DTNA: variants seen among roughly 807,000 people sequenced by gnomAD.
The protein encoded by DTNA is dystrophin-related protein 3.
In DTNA, 43 loss-of-function variants were observed where a neutral mutation model predicts 100.7. The observed-to-expected ratio is 0.43, with a 90% confidence interval of 0.33 to 0.55. DTNA has a LOEUF of 0.55. DTNA is among the 20% of genes least tolerant of loss of function. The pLI, the probability that DTNA is intolerant of heterozygous loss-of-function variation, is 0.04. For synonymous variants in DTNA, 349 were observed against 347.9 expected (o/e 1.00, Z -0.04); for missense variants, 798 against 953.9 (o/e 0.84, Z 2.15).
chr18:34,597,366 G>A (rs1457080452), intron 1 of DTNA, among the ~76,000 whole-genome samples: 1 of 152,002 alleles, frequency 6.6e-6, no homozygotes, highest in Non-Finnish European at 1.5e-5. Flanking sequence ...TAAATCCCGT[G>A]CTTTCCATTC....
At chr18:34,824,747 C>G (rs1313127407) in intron 9 of DTNA, among the ~76,000 whole-genome samples, 1 of 151,436 alleles carries the variant, frequency 6.6e-6, no homozygotes, top group Admixed American at 6.6e-5. Flanking sequence ...CTTTTTTCTT[C>G]TTTTTTTATT....
intron 1 of DTNA, among the ~76,000 whole-genome samples, chr18:34,567,365 G>A (rs1001744613): frequency 4.3e-4 from 65 of 152,192 alleles, no homozygotes; most frequent in African/African-American, 1.5e-3. Flanking sequence ...AAAATTAGGT[G>A]AAATAAATGA....
At chr18:34,622,827 G>A (rs942347345) in intron 1 of DTNA, among the ~76,000 whole-genome samples, 2 of 152,128 alleles carry the variant, frequency 1.3e-5, no homozygotes, top group Admixed American at 6.5e-5. Context: ...TGAGGCCCTC[G>A]GATTGGGCTG....
chr18:34,758,047 G>C (rs986523016), intron 2 of DTNA, among the ~76,000 whole-genome samples: 5 of 152,164 alleles, frequency 3.3e-5, no homozygotes, highest in African/African-American at 4.8e-5. Context: ...GTTTCAAAGG[G>C]AGCAATTGAT....
chr18:34,880,466 T>C (rs1482407529), intron 20 of DTNA, among the ~76,000 whole-genome samples: 2 of 152,174 alleles, frequency 1.3e-5, no homozygotes, highest in East Asian at 3.9e-4. Context: ...GCCCATTAAA[T>C]GACCATGGTT....
intron 1 of DTNA, among the ~76,000 whole-genome samples, chr18:34,541,479 A>C (rs2044240037): frequency 6.6e-6 from 1 of 151,864 alleles, no homozygotes; most frequent in Admixed American, 6.6e-5. Flanking sequence ...AAGTCTCATG[A>C]GGTGTGATGG....
intron 1 of DTNA, among the ~76,000 whole-genome samples, chr18:34,682,085 G>A (rs947526016): frequency 6.6e-6 from 1 of 152,046 alleles, no homozygotes; most frequent in Non-Finnish European, 1.5e-5. Flanking sequence ...CTTTCACTCA[G>A]TAATATGCAT....
chr18:34,780,608 C>A (rs376561482), intron 3 of DTNA, among the ~76,000 whole-genome samples: 9 of 152,224 alleles, frequency 5.9e-5, no homozygotes, highest in African/African-American at 2.2e-4. Flanking sequence ...ATTTATGTAA[C>A]TAAACAAGAA....
At chr18:34,510,354 T>G (rs929528383) in intron 1 of DTNA, among the ~76,000 whole-genome samples, 1 of 151,966 alleles carries the variant, frequency 6.6e-6, no homozygotes, top group Non-Finnish European at 1.5e-5. Context: ...AGCATCTAGT[T>G]GGATGGTCAT....
intron 1 of DTNA, among the ~76,000 whole-genome samples, chr18:34,540,806 T>C (rs982923801): frequency 2.0e-5 from 3 of 152,108 alleles, no homozygotes; most frequent in African/African-American, 7.2e-5. Flanking sequence ...AAACTGCTTC[T>C]CTAAACCAGA....
At chr18:34,821,038 A>T in intron 9 of DTNA, 123 bp downstream of exon 9, 1 of 1,429,710 alleles carries the variant, frequency 7.0e-7, no homozygotes, top group Non-Finnish European at 9.6e-7. Flanking sequence ...TTTAAAAAAA[A>T]AAGTCAGAGT....
chr18:34,813,710 G>A (rs547146345), intron 6 of DTNA, among the ~76,000 whole-genome samples: 85 of 151,776 alleles, frequency 5.6e-4, no homozygotes, highest in African/African-American at 1.9e-3. Context: ...AAAATTAGCC[G>A]GGCATGGTGG....
intron 1 of DTNA, among the ~76,000 whole-genome samples, chr18:34,515,905 AT>A (rs1226837754): frequency 6.6e-6 from 1 of 152,144 alleles, no homozygotes; most frequent in Non-Finnish European, 1.5e-5. Flanking sequence ...CAGAGGTATC[AT>A]TTAGCCCCAC....
At position 34,526,237 on chromosome 18, in the gene DTNA, G is replaced by A. The variant is rs924382927; in HGVS notation, c.-2+32723G>A. 1.1e-4 allele frequency among the ~76,000 whole-genome samples: 16 copies of A among 152,134 alleles called. No homozygotes were observed. In the South Asian group the frequency reaches 1.2e-3, roughly 12 times the overall value. On this transcript the variant is annotated intron_variant, in intron 1 of 19. Transcript: ENST00000283365. ...GAAGTGGGAGACTTAAAGAGGAATC[G>A]TTGTGATTTAATGACCTTTGTCTTC...
At chr18:34,496,516 A>G (rs2144416436) in intron 1 of DTNA, among the ~76,000 whole-genome samples, 1 of 152,172 alleles carries the variant, frequency 6.6e-6, no homozygotes, top group East Asian at 1.9e-4. Context: ...TTTTGACATG[A>G]CCTTTTCCTT....
At chr18:34,795,334 T>C (rs539889153) in intron 4 of DTNA, among the ~76,000 whole-genome samples, 1 of 152,218 alleles carries the variant, frequency 6.6e-6, no homozygotes, top group Non-Finnish European at 1.5e-5. Flanking sequence ...GTTTTTCCAG[T>C]GTGCATTATT....
chr18:34,791,046 G>C (rs897400975), intron 3 of DTNA, among the ~76,000 whole-genome samples: 3 of 152,102 alleles, frequency 2.0e-5, no homozygotes, highest in South Asian at 2.1e-4. Flanking sequence ...CTCACCCTGA[G>C]GCTGAAGTAC....
At chr18:34,849,666 T>A (rs1211898932) in intron 14 of DTNA, among the ~76,000 whole-genome samples, 2 of 152,254 alleles carry the variant, frequency 1.3e-5, no homozygotes, top group African/African-American at 4.8e-5. Context: ...TGTTTTCAAT[T>A]CTTTATTAGA....
intron 15 of DTNA, among the ~76,000 whole-genome samples, chr18:34,852,995 C>G (rs2096500773): frequency 6.6e-6 from 1 of 152,122 alleles, no homozygotes; most frequent in Non-Finnish European, 1.5e-5. Flanking sequence ...TCTTTGAGAA[C>G]AGAGGCCATG....
Sources: gnomAD v4.1 joint callset for allele counts (sites outside exome capture counted in the v4.1 genomes callset) on GRCh38, gnomAD v4.1.1 for gene constraint, MANE v1.5 for transcripts, NCBI Gene and HGNC (gene_info 2026-07-23, HGNC 2026-07-21) for gene names.